Variants in NR6A1 observed in about 807,000 individuals in gnomAD.
NR6A1 encodes nuclear receptor subfamily 6 group A member 1, also known as retinoic acid receptor-related testis-associated receptor.
NR6A1 carries 7 observed loss-of-function variants against 59.1 expected under a neutral mutation model. The observed-to-expected ratio is 0.12, with a 90% CI of 0.07 to 0.22. NR6A1 has a LOEUF of 0.22. Among genes scored for constraint, NR6A1 ranks in the 10% least tolerant of loss-of-function variants. NR6A1 has a pLI of 1.00. For missense variants in NR6A1, 468 were observed against 611.6 expected (o/e 0.77, Z 2.48); for synonymous variants, 243 against 236.1 (o/e 1.03, Z -0.27).
At chr9:124,626,848 C>T (rs1385754150) in intron 2 of NR6A1, among the ~76,000 whole-genome samples, 2 of 152,096 alleles carry the variant, frequency 1.3e-5, no homozygotes, top group Middle Eastern at 3.2e-3. Flanking sequence ...GCAGGAGAAT[C>T]GCTTGAACCC....
chr9:124,760,773 G>C (rs1588861542), intron 1 of NR6A1, among the ~76,000 whole-genome samples: 1 of 152,228 alleles, frequency 6.6e-6, no homozygotes, highest in African/African-American at 2.4e-5. Flanking sequence ...AATGTTAAAT[G>C]AGAACACTAA....
At chr9:124,535,633 G>A (rs1346329939) in intron 7 of NR6A1, among the ~76,000 whole-genome samples, 1 of 152,190 alleles carries the variant, frequency 6.6e-6, no homozygotes, top group Non-Finnish European at 1.5e-5. Context: ...AAGCTTGAAT[G>A]CATAAAATGT....
At chr9:124,539,602 T>C (rs902678320) in intron 5 of NR6A1, among the ~76,000 whole-genome samples, 1 of 152,194 alleles carries the variant, frequency 6.6e-6, no homozygotes, top group Non-Finnish European at 1.5e-5. Flanking sequence ...AGCAGCAAAT[T>C]TGACTGGCTT....
At chr9:124,750,557 GAGACC>G (rs375077688) in intron 1 of NR6A1, among the ~76,000 whole-genome samples, 3 of 152,154 alleles carry the variant, frequency 2.0e-5, no homozygotes, top group African/African-American at 7.2e-5. Context: ...TCAGGAGAAC[GAGACC>G]AGCCTGGCCA....
chr9:124,718,355 G>C (rs1166789149), intron 2 of NR6A1, among the ~76,000 whole-genome samples: 1 of 152,200 alleles, frequency 6.6e-6, no homozygotes, highest in Non-Finnish European at 1.5e-5. Flanking sequence ...ATGGAAGCAG[G>C]GTTGCAAGTA....
At chr9:124,631,354 G>A (rs1836436138) in intron 2 of NR6A1, among the ~76,000 whole-genome samples, 1 of 152,120 alleles carries the variant, frequency 6.6e-6, no homozygotes, top group African/African-American at 2.4e-5. Context: ...AAGATACAAG[G>A]ATCATTGGTA....
At chr9:124,746,191 C>T (rs192544135) in intron 1 of NR6A1, among the ~76,000 whole-genome samples, 5 of 152,272 alleles carry the variant, frequency 3.3e-5, no homozygotes, top group East Asian at 3.9e-4. Flanking sequence ...CTATCTCCCA[C>T]GTCCCAGCTT....
At chr9:124,705,883 C>A (rs1453786222) in intron 2 of NR6A1, among the ~76,000 whole-genome samples, 1 of 151,550 alleles carries the variant, frequency 6.6e-6, no homozygotes, top group Non-Finnish European at 1.5e-5. Flanking sequence ...TCAAGTGATT[C>A]TCCTGCCTCA....
At chr9:124,702,619 T>C (rs1838995892) in intron 2 of NR6A1, among the ~76,000 whole-genome samples, 1 of 151,984 alleles carries the variant, frequency 6.6e-6, no homozygotes. Flanking sequence ...CCCTCAGTAA[T>C]GAGTTCTTGT....
intron 1 of NR6A1, among the ~76,000 whole-genome samples, chr9:124,752,227 CCACTG>C (rs1301693673): frequency 2.0e-5 from 3 of 152,120 alleles, no homozygotes; most frequent in Non-Finnish European, 2.9e-5. Flanking sequence ...CAAGATCACG[CCACTG>C]CACTCCAGCC....
At chr9:124,607,257 C>G (rs890845794) in intron 2 of NR6A1, 2 of 152,144 alleles carry the variant, frequency 1.3e-5, no homozygotes, top group African/African-American at 4.8e-5. Flanking sequence ...GTACACTACG[C>G]CAATCCGGTG....
chr9:124,762,733 C>A (rs1247833218), intron 1 of NR6A1, among the ~76,000 whole-genome samples: 1 of 152,158 alleles, frequency 6.6e-6, no homozygotes, highest in African/African-American at 2.4e-5. Context: ...TAATATCACA[C>A]ATAGATCTTT....
intron 2 of NR6A1, among the ~76,000 whole-genome samples, chr9:124,688,808 A>G (rs1006735332): frequency 3.9e-5 from 6 of 152,240 alleles, no homozygotes; most frequent in African/African-American, 1.2e-4. Flanking sequence ...TGCTTTCAAA[A>G]TGTGTTTATG....
chr9:124,527,195 T>G (rs1832962029), intron 7 of NR6A1, among the ~76,000 whole-genome samples: 1 of 152,204 alleles, frequency 6.6e-6, no homozygotes, highest in African/African-American at 2.4e-5. Context: ...GAGGTCCTCC[T>G]CTGCAAAATG....
chr9:124,571,922 T>TAA (rs777759158), intron 2 of NR6A1, among the ~76,000 whole-genome samples: 1 of 143,532 alleles, frequency 7.0e-6, no homozygotes, highest in East Asian at 2.0e-4. Context: ...TTACTTACCA[T>TAA]AAAAAAAAAA....
At position 124,566,448 on chromosome 9, in the gene NR6A1, T is replaced by C. The variant is rs147997669; in HGVS notation, c.143-11878A>G. The stretch of plus-strand genomic sequence containing the variant: ...AGAGCACTCCAAGAAAGGGAAATGA[T>C]ATCAGCAACGGCAAAAGGAAGGAAA... On this transcript the variant is annotated intron_variant, in intron 2 of 9. Coordinates refer to ENST00000487099, the MANE Select transcript of NR6A1 (RefSeq NM_033334.4). Among the ~76,000 whole-genome samples, 25 of 152,310 alleles carry C rather than the reference T, an allele frequency of 1.6e-4. No individual in the cohort carries two copies. The East Asian group carries it at 4.8e-3, about 29-fold the overall frequency.
At chr9:124,671,792 C>T (rs1837801656) in intron 2 of NR6A1, among the ~76,000 whole-genome samples, 2 of 152,184 alleles carry the variant, frequency 1.3e-5, no homozygotes, top group African/African-American at 4.8e-5. Flanking sequence ...AACCCAGTTG[C>T]TGTCTAGCTT....
At chr9:124,762,017 C>T (rs911060281) in intron 1 of NR6A1, among the ~76,000 whole-genome samples, 1 of 152,142 alleles carries the variant, frequency 6.6e-6, no homozygotes, top group African/African-American at 2.4e-5. Flanking sequence ...AAAAGTAGCT[C>T]AATTATCGAG....
In NR6A1 at chr9:124,540,177, T is replaced by C; in HGVS notation, c.452A>G (p.Glu151Gly). ...KSIGPVQISE[E>G]EIERIMSGQE... is the part of the protein sequence containing the mutation. Reference sequence around the variant, plus strand: ...CCCAGACATGATCCTTTCGATTTCTTCTTCCGATATCTTTGACAAGGAATT... The same window carrying C: ...CCCAGACATGATCCTTTCGATTTCTCCTTCCGATATCTTTGACAAGGAATT... Residue 151 changes from glutamate (E) to glycine (G), a missense_variant, in exon 5 of 10, where the codon GAA becomes GGA. Coordinates refer to ENST00000487099, the MANE Select transcript of NR6A1 (RefSeq NM_033334.4). The C allele has an allele frequency of 6.2e-7, 1 of 1,613,262 alleles. No individual in the cohort carries two copies. The highest frequency in any genetic ancestry group is 1.7e-5 in the Admixed American group (1 of 59,916).
Sources: gnomAD v4.1 joint callset for allele counts (sites outside exome capture counted in the v4.1 genomes callset) on GRCh38, gnomAD v4.1.1 for gene constraint, MANE v1.5 for transcripts, NCBI Gene and HGNC (gene_info 2026-07-23, HGNC 2026-07-21) for gene names.